The following ZNF652 variants were observed in gnomAD, a reference collection of about 807,000 sequenced individuals.
ZNF652 encodes the protein zinc finger protein 652.
Under a neutral mutation model 45.2 loss-of-function variants are expected in ZNF652, and 16 were observed. The observed-to-expected ratio is 0.35, with a 90% confidence interval of 0.24 to 0.54. ZNF652 has a LOEUF of 0.54. ZNF652 is among the 20% of genes least tolerant of loss of function. ZNF652 has a pLI of 0.91. For synonymous variants in ZNF652, 250 were observed against 260.6 expected, an observed-to-expected ratio of 0.96 and a Z score of 0.39; for missense variants, 614 against 765.6, an observed-to-expected ratio of 0.80 and a Z score of 2.34.
chr17:49,317,891 G>T lies in ZNF652; in HGVS notation c.-166C>A. On this transcript the variant is annotated 5_prime_UTR_variant, in exon 2 of 6. Transcript: ENST00000430262. ...ATTCTTCCAGTGTTGCAGCACCAAA[G>T]CATGAGTCAAAAAGGTTTGGTATTA... The T allele has an allele frequency of 2.6e-6, 2 of 759,394 alleles. No individual in the cohort carries two copies. Among genetic ancestry groups the T allele is most frequent in the South Asian group, 5.0e-5 (2 of 39,706 alleles). The allele number at this position is 759,394 out of a possible 1,614,324, so 47.0% of individuals were successfully genotyped here.
chr17:49,321,890 CTGTT>C (rs2069898283), intron 1 of ZNF652, among the ~76,000 whole-genome samples: 1 of 152,166 alleles, frequency 6.6e-6, no homozygotes, highest in African/African-American at 2.4e-5. Flanking sequence ...TATTGTAACA[CTGTT>C]AGTTATATTT....
At position 49,312,784 on chromosome 17, in the gene ZNF652, A is replaced by G; in HGVS notation, c.962T>C (p.Val321Ala). 1 of 1,614,104 alleles carries G rather than the reference A, an allele frequency of 6.2e-7. No homozygotes were observed. The highest frequency in any genetic ancestry group is 8.5e-7 in the Non-Finnish European group (1 of 1,179,962). The part of the protein sequence containing the change: ...LWSLHEHIKI[V>A]HGYAEKKFSC... ...AAATTTCTTTTCTGCATATCCATGG[A>G]CGATCTTGATATGTTCATGAAGGGA... Residue 321 changes from valine (V) to alanine (A), a missense_variant, in exon 3 of 6, where the codon GTC (valine) becomes GCC (alanine). Val to Ala is a moderately conservative substitution (Grantham distance 64). Transcript: ENST00000430262.
At chr17:49,300,139 C>CA (rs898772402) in intron 5 of ZNF652, among the ~76,000 whole-genome samples, 4 of 152,214 alleles carry the variant, frequency 2.6e-5, no homozygotes, top group Non-Finnish European at 5.9e-5. Context: ...AACAAACCTA[C>CA]AACATGAATT....
intron 1 of ZNF652, among the ~76,000 whole-genome samples, chr17:49,355,479 A>T (rs1008793455): frequency 6.6e-6 from 1 of 152,144 alleles, no homozygotes; most frequent in Non-Finnish European, 1.5e-5. Flanking sequence ...CAGGAGGCTG[A>T]GGTGAGATGA....
intron 1 of ZNF652, chr17:49,322,344 C>T (rs976814090): frequency 2.6e-5 from 4 of 152,202 alleles, no homozygotes; most frequent in Admixed American, 6.5e-5. Context: ...TAGCAATACA[C>T]GAAGACCTCA....
chr17:49,348,477 C>CAAAAAAGAAAAG (rs1567699000), intron 1 of ZNF652, among the ~76,000 whole-genome samples: 1 of 57,798 alleles, frequency 1.7e-5, no homozygotes, highest in African/African-American at 9.0e-5. Context: ...GACCTTGCCT[C>CAAAAAAGAAAAG]AAAAAAGAAA....
At chr17:49,354,610 C>CAAAA (rs562846972) in intron 1 of ZNF652, among the ~76,000 whole-genome samples, 23 of 111,974 alleles carry the variant, frequency 2.1e-4, no homozygotes, top group African/African-American at 4.1e-4. Context: ...GACTCCGCCT[C>CAAAA]AAAAAAAAAA....
In ZNF652 at chr17:49,291,057, C is replaced by T. The variant is rs1472470386; in HGVS notation, c.*7356G>A. On this transcript the variant is annotated 3_prime_UTR_variant, in exon 6 of 6. Transcript: ENST00000430262. Reference sequence around the variant, plus strand: ...TACATATATGCCCTTGGGGAGACAACTTAAGAAGTAAACACCAAAATTATG... The same window carrying T: ...TACATATATGCCCTTGGGGAGACAATTTAAGAAGTAAACACCAAAATTATG... The T allele has an allele frequency of 6.6e-6, 1 of 152,136 alleles. No homozygotes were observed. The highest frequency in any genetic ancestry group is 1.5e-5 in the Non-Finnish European group (1 of 68,032). The allele number at this position is 152,136 out of a possible 1,614,324, so 9.4% of individuals were successfully genotyped here.
chr17:49,293,537 G>C lies in ZNF652; in HGVS notation c.*4876C>G, dbSNP rs966988635. Among the ~76,000 whole-genome samples, 1 of 151,930 alleles carries C rather than the reference G, an allele frequency of 6.6e-6. No individual in the cohort carries two copies. Among genetic ancestry groups the C allele is most frequent in the Non-Finnish European group, 1.5e-5 (1 of 67,988 alleles). The stretch of plus-strand genomic sequence containing the variant: ...GTTTGCTTTATCGAGGTAGTGTCCA[G>C]GGTTGGAAGGTCATCATTCTTTATT... On this transcript the variant is annotated 3_prime_UTR_variant, in exon 6 of 6. Transcript: ENST00000430262.
chr17:49,289,112 C>T (rs1040904210), downstream of ZNF652: 3 of 151,880 alleles, frequency 2.0e-5, no homozygotes, highest in African/African-American at 7.3e-5. Flanking sequence ...CAGGATTGTT[C>T]ATTTTTCTCA....
chr17:49,289,477 T>TA lies in ZNF652; in HGVS notation c.*8935dup, dbSNP rs2069376728. 1 of 152,192 alleles carries TA rather than the reference T, an allele frequency of 6.6e-6. No homozygotes were observed. Among genetic ancestry groups the TA allele is most frequent in the African/African-American group, 2.4e-5 (1 of 41,456 alleles). 9.4% of individuals were successfully genotyped at this position (152,192 alleles called of 1,614,324 possible). A position where few individuals can be genotyped will look rare whatever the true frequency, so the allele number is the denominator to read the frequency against. ...GCTAAAAAAATAATATCGGTATAGT[T>TA]AACACAAGGGGGAAATCAGTACATT... On this transcript the variant is annotated 3_prime_UTR_variant, in exon 6 of 6. Coordinates refer to ENST00000430262, the MANE Select transcript of ZNF652 (RefSeq NM_001145365.3).
At chr17:49,360,188 A>G (rs1177419312) in intron 1 of ZNF652, among the ~76,000 whole-genome samples, 1 of 152,214 alleles carries the variant, frequency 6.6e-6, no homozygotes, top group Non-Finnish European at 1.5e-5. Context: ...AACAAAACAC[A>G]AGGTTACATG....
chr17:49,290,383 G>A lies in ZNF652; in HGVS notation c.*8030C>T, dbSNP rs2143654050. On this transcript the variant is annotated 3_prime_UTR_variant, in exon 6 of 6. Transcript: ENST00000430262. ...AGCCCTTAGACAAGTAACTGACAGA[G>A]AGGGAGCACACACAGTTTCTAACCT... The A allele has an allele frequency of 6.6e-6, 1 of 151,134 alleles. No individual in the cohort carries two copies. The highest frequency in any genetic ancestry group is 2.4e-5 in the African/African-American group (1 of 41,122). The allele number at this position is 151,134 out of a possible 1,614,324, so 9.4% of individuals were successfully genotyped here.
At position 49,317,310 on chromosome 17, in the gene ZNF652, G is replaced by A. The variant is rs372646517; in HGVS notation, c.416C>T (p.Ser139Phe). The change falls in exon 2 of 6, where the codon TCT becomes TTT. Residue 139 changes from serine (S) to phenylalanine (F), a missense_variant. Around this residue, in one of 5 missense-constraint regions of ZNF652, gnomAD observed 262 missense variants for 306.3 expected, o/e 0.86. Transcript: ENST00000430262. ...AAGAACAGGAGTCTCTTTGGACTGA[G>A]AAGAGACACCCTTTTCCCCTTTAGA... ...NVSKGEKGVS[S>F]QSKETPVLKT... 32 of 1,613,008 alleles carry A rather than the reference G, an allele frequency of 2.0e-5. 1 individual carries two copies. The highest frequency in any genetic ancestry group is 2.6e-5 in the Non-Finnish European group (31 of 1,180,020).
At chr17:49,357,240 A>T (rs1005990470) in intron 1 of ZNF652, among the ~76,000 whole-genome samples, 5 of 152,050 alleles carry the variant, frequency 3.3e-5, no homozygotes, top group Admixed American at 6.6e-5. Flanking sequence ...AGGAGGTTGC[A>T]GTGAGCTGAG....
chr17:49,327,719 TTAAA>T (rs764882947), intron 1 of ZNF652, among the ~76,000 whole-genome samples: 10 of 106,462 alleles, frequency 9.4e-5, no homozygotes, highest in South Asian at 4.1e-4. Flanking sequence ...GTGTCTACTT[TTAAA>T]TAAATAAATA....
At chr17:49,361,303 AC>A (rs1484777839) in intron 1 of ZNF652, 1 of 152,262 alleles carries the variant, frequency 6.6e-6, no homozygotes, top group Non-Finnish European at 1.5e-5. Flanking sequence ...CGGGGGTGTC[AC>A]TACCTTTGGT....
intron 1 of ZNF652, among the ~76,000 whole-genome samples, chr17:49,335,965 A>G (rs1356790801): frequency 6.6e-6 from 1 of 152,196 alleles, no homozygotes; most frequent in Non-Finnish European, 1.5e-5. Context: ...GCAATATGCA[A>G]AAAAGGATGT....
At chr17:49,316,787 C>T in intron 2 of ZNF652, 39 bp downstream of exon 2, 5 of 1,568,896 alleles carry the variant, frequency 3.2e-6, no homozygotes, top group Non-Finnish European at 3.4e-6. Flanking sequence ...CAGCCAGGTT[C>T]TATCCTGAAA....
Sources: allele counts gnomAD v4.1 joint callset (sites outside exome capture counted in the v4.1 genomes callset), GRCh38; gene constraint gnomAD v4.1.1; regional missense constraint gnomAD v4.1.1; transcripts MANE v1.5; gene names NCBI Gene and HGNC (gene_info 2026-07-23, HGNC 2026-07-21).